Variants in HIPK3 observed in about 807,000 individuals in gnomAD.
HIPK3 encodes homeodomain-interacting protein kinase 3.
In HIPK3, 47 loss-of-function variants were observed where a neutral mutation model predicts 124.2. The ratio of observed to expected loss-of-function variants is 0.38; its 90% CI spans 0.30 to 0.48. HIPK3 has a LOEUF of 0.48. HIPK3 is among the 20% of genes least tolerant of loss of function. HIPK3 has a pLI of 0.98. For missense variants in HIPK3, 1,286 were observed against 1,454.3 expected (o/e 0.88, Z 1.88); for synonymous variants, 482 against 515.2 (o/e 0.94, Z 0.87).
Position 33,287,144 on chromosome 11 carries a change from A to G in HIPK3, c.730A>G (p.Ile244Val), listed in dbSNP as rs1325922509. 1 of 1,614,196 alleles carries G rather than the reference A, an allele frequency of 6.2e-7. No individual in the cohort carries two copies. The highest frequency in any genetic ancestry group is 1.1e-5 in the South Asian group (1 of 91,084). ...YARQGQIEVS[I>V]LARLSTENAD... Reference sequence around the variant, plus strand: ...CCGTCAAGGTCAAATAGAAGTGAGCATATTAGCAAGGCTCAGTACTGAAAA... The same window carrying G: ...CCGTCAAGGTCAAATAGAAGTGAGCGTATTAGCAAGGCTCAGTACTGAAAA... Residue 244 changes from isoleucine (I) to valine (V), a missense_variant, in exon 2 of 17, where the codon ATA becomes GTA. Ile to Val is a conservative substitution (Grantham distance 29). Around this residue, in one of 3 missense-constraint regions of HIPK3, gnomAD observed 251 missense variants for 349.1 expected, o/e 0.72. Transcript: ENST00000303296.
intron 3 of HIPK3, among the ~76,000 whole-genome samples, chr11:33,330,168 ATGTT>A (rs1852930882): frequency 1.3e-5 from 2 of 152,206 alleles, no homozygotes; most frequent in South Asian, 2.1e-4. Flanking sequence ...TTTATAATGA[ATGTT>A]TGTTTTTTTT....
At chr11:33,316,122 C>T (rs1038222903) in intron 2 of HIPK3, among the ~76,000 whole-genome samples, 12 of 152,116 alleles carry the variant, frequency 7.9e-5, no homozygotes, top group African/African-American at 2.9e-4. Flanking sequence ...CTTATTATAT[C>T]GAAAACATTC....
chr11:33,292,059 C>T (rs1258503694), intron 2 of HIPK3, among the ~76,000 whole-genome samples: 3 of 152,112 alleles, frequency 2.0e-5, no homozygotes, highest in Non-Finnish European at 2.9e-5. Flanking sequence ...CGTAAAATAA[C>T]GGCTAATATT....
chr11:33,352,878 T>C (rs1832062151), intron 16 of HIPK3, among the ~76,000 whole-genome samples: 2 of 152,138 alleles, frequency 1.3e-5, no homozygotes, highest in African/African-American at 2.4e-5. Flanking sequence ...GTTTATATTA[T>C]AATAATATGT....
At chr11:33,325,062 G>T (rs560452094) in intron 2 of HIPK3, among the ~76,000 whole-genome samples, 5 of 152,286 alleles carry the variant, frequency 3.3e-5, no homozygotes, top group Admixed American at 1.3e-4. Flanking sequence ...TTGTATCTCA[G>T]GTTTTATGTT....
chr11:33,323,221 C>T (rs908146977), intron 2 of HIPK3, among the ~76,000 whole-genome samples: 1 of 152,074 alleles, frequency 6.6e-6, no homozygotes, highest in Non-Finnish European at 1.5e-5. Context: ...ACAAAGACTA[C>T]GTATTATGGG....
chr11:33,338,598 C>G (rs947451121), intron 4 of HIPK3, among the ~76,000 whole-genome samples, 159 bp from the exon 5 acceptor site: 1 of 151,206 alleles, frequency 6.6e-6, no homozygotes, highest in Admixed American at 6.6e-5. Context: ...AAGCACTTCT[C>G]ATTTTTTTTT....
chr11:33,289,356 G>A (rs1207820318), intron 2 of HIPK3, among the ~76,000 whole-genome samples: 2 of 151,920 alleles, frequency 1.3e-5, no homozygotes, highest in African/African-American at 4.8e-5. Flanking sequence ...GAGGTAGGAG[G>A]ATCCCTTGAG....
intron 1 of HIPK3, among the ~76,000 whole-genome samples, chr11:33,279,518 A>G (rs540426539): frequency 6.6e-6 from 1 of 152,140 alleles, no homozygotes; most frequent in Non-Finnish European, 1.5e-5. Context: ...AAAAAGATGG[A>G]AACAGCCCAC....
At chr11:33,256,901 G>C (rs1215576245), upstream of HIPK3, 1 of 172,082 alleles carries the variant, frequency 5.8e-6, no homozygotes, top group Non-Finnish European at 1.2e-5. Flanking sequence ...TTAGATTGAG[G>C]TCGTTCATTT....
intron 1 of HIPK3, among the ~76,000 whole-genome samples, chr11:33,281,266 A>G (rs536655537): frequency 3.4e-4 from 52 of 151,932 alleles, no homozygotes; most frequent in Non-Finnish European, 6.5e-4. Flanking sequence ...GTGAGCCACT[A>G]TGCTTGGCCC....
intron 3 of HIPK3, among the ~76,000 whole-genome samples, chr11:33,334,434 C>T (rs1229237848): frequency 1.3e-5 from 2 of 151,932 alleles, no homozygotes; most frequent in African/African-American, 2.4e-5. Context: ...CCATGTGGTT[C>T]GACATGGTGC....
chr11:33,311,996 A>ACACACACACACACACACACACACC (rs1273185687), intron 2 of HIPK3, among the ~76,000 whole-genome samples: 1 of 147,320 alleles, frequency 6.8e-6, no homozygotes, highest in South Asian at 2.2e-4. Flanking sequence ...ACACACACAC[A>ACACACACACACACACACACACACC]CCACGAAAAA....
chr11:33,343,991 T>G lies in HIPK3; in HGVS notation c.1897+2305T>G, dbSNP rs1853420634. ...GGAATAATAGATGCTAACAATATAATGCTGTTGTGTTTTTCAGTTTTTTCC... is the reference window on the plus strand; with the variant it reads ...GGAATAATAGATGCTAACAATATAAGGCTGTTGTGTTTTTCAGTTTTTTCC... On this transcript the variant is annotated intron_variant, in intron 8 of 16. Transcript: ENST00000303296. 3.3e-5 allele frequency among the ~76,000 whole-genome samples: 5 copies of G among 152,206 alleles called. No homozygotes were observed. The South Asian group carries it at 1.0e-3, about 31-fold the overall frequency.
At chr11:33,348,399 G>A in intron 12 of HIPK3, 123 bp from the exon 13 acceptor site, 1 of 1,010,212 alleles carries the variant, frequency 9.9e-7, no homozygotes, top group Non-Finnish European at 1.4e-6. Flanking sequence ...AGATCTGTTA[G>A]TGTGTTATAT....
In HIPK3 at chr11:33,354,389, G is replaced by A. The variant is rs754354184; in HGVS notation, c.*821G>A. 2 of 152,534 alleles carry A rather than the reference G, an allele frequency of 1.3e-5. No individual in the cohort carries two copies. Among genetic ancestry groups the A allele is most frequent in the Non-Finnish European group, 2.9e-5 (2 of 68,010 alleles). 9.4% of individuals were successfully genotyped at this position (152,534 alleles called of 1,614,324 possible). A position where few individuals can be genotyped will look rare whatever the true frequency, so the allele number is the denominator to read the frequency against. ...GTAGTGCTTAAGAAAAATTGATTCA[G>A]TATCTAATGGATAGTTGATAACTGT... is the stretch of plus-strand genomic sequence containing the variant. On this transcript the variant is annotated 3_prime_UTR_variant, in exon 17 of 17. Coordinates refer to ENST00000303296, the MANE Select transcript of HIPK3 (RefSeq NM_005734.5).
At chr11:33,269,220 C>CT (rs370009606) in intron 1 of HIPK3, among the ~76,000 whole-genome samples, 1 of 152,114 alleles carries the variant, frequency 6.6e-6, no homozygotes, top group Non-Finnish European at 1.5e-5. Context: ...ATTCCTGCCT[C>CT]TTTTTTTACT....
chr11:33,287,501 C>A lies in HIPK3; in HGVS notation c.1087C>A (p.Arg363=). 1 of 1,608,876 alleles carries A rather than the reference C, an allele frequency of 6.2e-7. No individual in the cohort carries two copies. The highest frequency in any genetic ancestry group is 8.5e-7 in the Non-Finnish European group (1 of 1,176,500). ...KTVCSTYLQS[R]YYRAPEIILG... is the part of the protein sequence containing the mutation. ...TGTTTGTTCAACATATCTACAATCT[C>A]GGTACTACAGGTAGGTAACAACTCC... The change falls in exon 2 of 17, where the codon CGG becomes AGG. Residue 363 remains arginine, a synonymous_variant. Coordinates refer to ENST00000303296, the MANE Select transcript of HIPK3 (RefSeq NM_005734.5).
intron 1 of HIPK3, among the ~76,000 whole-genome samples, chr11:33,265,633 G>T (rs759107291): frequency 6.6e-6 from 1 of 151,868 alleles, no homozygotes; most frequent in Non-Finnish European, 1.5e-5. Flanking sequence ...AACTAGCTGG[G>T]CATGGTGGTG....
Sources: allele counts gnomAD v4.1 joint callset (sites outside exome capture counted in the v4.1 genomes callset), GRCh38; gene constraint gnomAD v4.1.1; regional missense constraint gnomAD v4.1.1; transcripts MANE v1.5; gene names NCBI Gene and HGNC (gene_info 2026-07-23, HGNC 2026-07-21).